DLGAP3: variants seen among roughly 807,000 people sequenced by gnomAD.
The protein encoded by DLGAP3 is disks large-associated protein 3.
Under a neutral mutation model 81.2 loss-of-function variants are expected in DLGAP3, and 17 were observed. That is an observed-to-expected ratio of 0.21 (90% confidence interval 0.14 to 0.31). The LOEUF is 0.31. Ranked by LOEUF, DLGAP3 falls within the 10% of genes least tolerant of loss-of-function variation. The pLI, the probability that DLGAP3 is intolerant of heterozygous loss-of-function variation, is 1.00. For missense variants in DLGAP3, 1,124 were observed against 1,388.0 expected, an observed-to-expected ratio of 0.81 and a Z score of 3.02; for synonymous variants, 577 against 587.4, an observed-to-expected ratio of 0.98 and a Z score of 0.26.
In DLGAP3 at chr1:34,904,818, G is replaced by A. The variant is rs61739348; in HGVS notation, c.566C>T (p.Ala189Val). 3,357 of 1,610,202 alleles carry A rather than the reference G, an allele frequency of 2.1e-3. 8 individuals are homozygous for A. Among genetic ancestry groups the A allele is most frequent in the Non-Finnish European group, 2.6e-3 (3,089 of 1,180,016 alleles). The change falls in exon 3 of 12, where the codon GCG (alanine) becomes GTG (valine). Residue 189 changes from alanine (A) to valine (V), a missense_variant. Coordinates refer to ENST00000373347, the MANE Select transcript of DLGAP3 (RefSeq NM_001080418.3). The surrounding 1 kb of genome is among the most constrained non-coding windows in gnomAD (Gnocchi z 8.1). The part of the protein sequence containing the change: ...KLFAKSHSLE[A>V]PGKRDYNGPK... Reference sequence around the variant, plus strand: ...CCCATTATAGTCCCGCTTCCCCGGCGCCTCCAGAGAGTGGGACTTGGCAAA... The same window carrying A: ...CCCATTATAGTCCCGCTTCCCCGGCACCTCCAGAGAGTGGGACTTGGCAAA...
intron 1 of DLGAP3, among the ~76,000 whole-genome samples, chr1:34,927,991 T>C (rs1639899482): frequency 1.3e-5 from 2 of 152,180 alleles, no homozygotes; most frequent in African/African-American, 4.8e-5. Context: ...CCATATGAAA[T>C]TGCTGTTTTT....
chr1:34,868,504 C>A lies in DLGAP3; in HGVS notation c.2485+101G>T. The A allele has an allele frequency of 1.0e-6, 1 of 984,100 alleles. No individual in the cohort carries two copies. Among genetic ancestry groups the A allele is most frequent in the Non-Finnish European group, 1.6e-6 (1 of 623,780 alleles). The allele number at this position is 984,100 out of a possible 1,614,324, so 61.0% of individuals were successfully genotyped here. ...ACCAGTGAGGCACCAACCGAAGGGG[C>A]CTCCTGTTACACTGCAGCCCCAGCC... On this transcript the variant is annotated intron_variant, in intron 9 of 11. Coordinates refer to ENST00000373347, the MANE Select transcript of DLGAP3 (RefSeq NM_001080418.3). The surrounding 1 kb of genome is among the most constrained non-coding windows in gnomAD (Gnocchi z 7.5).
At chr1:34,928,003 T>A (rs895690444) in intron 1 of DLGAP3, among the ~76,000 whole-genome samples, 4 of 152,208 alleles carry the variant, frequency 2.6e-5, no homozygotes, top group African/African-American at 9.6e-5. Context: ...GCTGTTTTTG[T>A]AGGTTAAATA....
At chr1:34,923,795 T>G (rs1639830575) in intron 1 of DLGAP3, among the ~76,000 whole-genome samples, 2 of 152,068 alleles carry the variant, frequency 1.3e-5, no homozygotes, top group South Asian at 4.2e-4. Context: ...ATCAAAAACA[T>G]GATGGGTGAG....
Position 34,886,101 on chromosome 1 carries a change from G to A in DLGAP3, c.1571C>T (p.Pro524Leu). ...GCCGGGCCTCCCTGAGACAGCGGCA[G>A]GGGTAGCGAGGAGGGGCAGGCAGTC... ...DDDCLPLLATPAAVSGRPGSS... is the reference protein window; with the variant it reads ...DDDCLPLLATLAAVSGRPGSS... The change falls in exon 6 of 12, where the codon CCT (proline) becomes CTT (leucine). Residue 524 changes from proline (P) to leucine (L), a missense_variant. Physicochemically the swap from Pro to Leu is moderately conservative, Grantham distance 98. Coordinates refer to ENST00000373347, the MANE Select transcript of DLGAP3 (RefSeq NM_001080418.3). 1 of 1,606,904 alleles carries A rather than the reference G, an allele frequency of 6.2e-7. No individual in the cohort carries two copies. The highest frequency in any genetic ancestry group is 8.5e-7 in the Non-Finnish European group (1 of 1,177,918).
intron 5 of DLGAP3, among the ~76,000 whole-genome samples, chr1:34,890,378 G>T (rs1419706933): frequency 6.6e-6 from 1 of 152,168 alleles, no homozygotes; most frequent in Non-Finnish European, 1.5e-5. Flanking sequence ...CTCTGAAATA[G>T]CTCCTAATGA....
intron 8 of DLGAP3, among the ~76,000 whole-genome samples, chr1:34,878,930 G>A (rs1239014204): frequency 1.3e-5 from 2 of 151,922 alleles, no homozygotes; most frequent in African/African-American, 4.8e-5. Flanking sequence ...AAATTAGCCG[G>A]GCATGGTAGC....
chr1:34,927,123 C>T (rs1280892187), intron 1 of DLGAP3, among the ~76,000 whole-genome samples: 1 of 152,108 alleles, frequency 6.6e-6, no homozygotes, highest in Non-Finnish European at 1.5e-5. Context: ...GTGGGTGTGG[C>T]TAGGAATCCC....
intron 8 of DLGAP3, among the ~76,000 whole-genome samples, chr1:34,869,409 G>C (rs1383908510): frequency 3.9e-5 from 6 of 152,010 alleles, no homozygotes; most frequent in African/African-American, 1.2e-4. Flanking sequence ...GCTAGATTGT[G>C]GGGTGGGCTA....
intron 8 of DLGAP3, among the ~76,000 whole-genome samples, chr1:34,875,801 T>G (rs964947452): frequency 2.6e-5 from 4 of 152,226 alleles, no homozygotes; most frequent in African/African-American, 9.6e-5. Context: ...CACAAGGCCT[T>G]AGCATATGCT....
chr1:34,886,370 C>A, intron 5 of DLGAP3, 85 bp from the exon 6 acceptor site: 1 of 1,252,448 alleles, frequency 8.0e-7, no homozygotes, highest in Non-Finnish European at 1.1e-6. Flanking sequence ...AGGGGAAGAC[C>A]TCTCTATATC....
intron 3 of DLGAP3, among the ~76,000 whole-genome samples, chr1:34,903,413 T>A (rs10493064): frequency 0.18 from 26,779 of 152,212 alleles, 2,767 homozygotes; most frequent in East Asian, 0.44. Context: ...AATAAATAGA[T>A]CTGTATCAAC....
chr1:34,866,623 G>A (rs1638884634), intron 11 of DLGAP3, among the ~76,000 whole-genome samples: 1 of 152,202 alleles, frequency 6.6e-6, no homozygotes, highest in Admixed American at 6.5e-5. Flanking sequence ...CCGCAATGAG[G>A]GTGCACATAC....
chr1:34,880,560 G>A (rs750501756), intron 8 of DLGAP3, among the ~76,000 whole-genome samples: 22 of 151,832 alleles, frequency 1.4e-4, no homozygotes, highest in Admixed American at 9.2e-4. Flanking sequence ...GTGAAAACCC[G>A]TCTCTACTAA....
chr1:34,879,567 A>G (rs889989943), intron 8 of DLGAP3, among the ~76,000 whole-genome samples: 18 of 152,338 alleles, frequency 1.2e-4, no homozygotes, highest in African/African-American at 4.1e-4. Flanking sequence ...ATGATGAAGG[A>G]GGTCTCAACA....
At chr1:34,872,646 G>T (rs1026060705) in intron 8 of DLGAP3, among the ~76,000 whole-genome samples, 13 of 152,190 alleles carry the variant, frequency 8.5e-5, no homozygotes, top group Admixed American at 7.2e-4. Flanking sequence ...GATTATCCTG[G>T]TGTAATCACA....
intron 1 of DLGAP3, among the ~76,000 whole-genome samples, chr1:34,914,476 G>A (rs1173619738): frequency 1.3e-5 from 2 of 152,168 alleles, no homozygotes; most frequent in Admixed American, 6.5e-5. Flanking sequence ...ACTCCTCTAG[G>A]ACCCTCGTTA....
At chr1:34,890,127 T>C (rs1395795031) in intron 5 of DLGAP3, among the ~76,000 whole-genome samples, 1 of 151,960 alleles carries the variant, frequency 6.6e-6, no homozygotes, top group African/African-American at 2.4e-5. Flanking sequence ...AAGAGGCAAA[T>C]CCCCTAAGAA....
intron 2 of DLGAP3, among the ~76,000 whole-genome samples, chr1:34,906,418 A>G (rs895443748): frequency 2.6e-5 from 4 of 152,000 alleles, no homozygotes; most frequent in African/African-American, 9.7e-5. Context: ...CCAAATCTAC[A>G]TATCCAGCAC....
Sources: allele counts gnomAD v4.1 joint callset (sites outside exome capture counted in the v4.1 genomes callset), GRCh38; gene constraint gnomAD v4.1.1; non-coding constraint Gnocchi (gnomAD v3.1); transcripts MANE v1.5; gene names NCBI Gene and HGNC (gene_info 2026-07-23, HGNC 2026-07-21).